Variants in GRM1 observed in about 807,000 individuals in gnomAD.
The protein encoded by GRM1 is glutamate metabotropic receptor 1.
Under a neutral mutation model 90.9 loss-of-function variants are expected in GRM1, and 33 were observed. The observed-to-expected ratio is 0.36, with a 90% confidence interval of 0.28 to 0.49. The LOEUF (loss-of-function observed/expected upper bound fraction) is 0.49, where lower values mean the gene tolerates loss of function less well. Ranked by LOEUF, GRM1 falls within the 20% of genes least tolerant of loss-of-function variation. GRM1 has a pLI of 0.99. For synonymous variants in GRM1, 700 were observed against 613.2 expected (o/e 1.14, Z -2.09); for missense variants, 1,190 against 1,534.3 (o/e 0.78, Z 3.75).
chr6:146,140,753 G>A (rs1776847059), intron 1 of GRM1, among the ~76,000 whole-genome samples: 1 of 151,958 alleles, frequency 6.6e-6, no homozygotes, highest in African/African-American at 2.4e-5. Context: ...TGTTGAAAAA[G>A]TTTTTAACTT....
Position 146,434,453 on chromosome 6 carries a change from A to C in GRM1, c.3242A>C (p.Gln1081Pro), listed in dbSNP as rs1198489131. ...CAGCACCTGCAGATGCTGCCGCTGC[A>C]GCTGAGCACCTTTGGGGAGGAGCTG... is the stretch of plus-strand genomic sequence containing the variant. Reference protein sequence around the residue: ...PPQHLQMLPLQLSTFGEELVS... With the variant: ...PPQHLQMLPLPLSTFGEELVS... The change falls in exon 8 of 8, where the codon CAG becomes CCG. Residue 1081 changes from glutamine (Q) to proline (P), a missense_variant. Gln to Pro is a moderately conservative substitution (Grantham distance 76). Transcript: ENST00000282753. 1.2e-6 allele frequency: 2 copies of C among 1,613,724 alleles called. No individual in the cohort carries two copies. Among genetic ancestry groups the C allele is most frequent in the Admixed American group, 3.3e-5 (2 of 60,012 alleles).
intron 2 of GRM1, among the ~76,000 whole-genome samples, chr6:146,175,888 G>A (rs1335946875): frequency 6.6e-6 from 1 of 152,028 alleles, no homozygotes; most frequent in Non-Finnish European, 1.5e-5. Context: ...AATAATACTC[G>A]GGTTGTCTAA....
intron 2 of GRM1, among the ~76,000 whole-genome samples, chr6:146,162,774 A>G (rs754139313): frequency 3.2e-4 from 49 of 152,108 alleles, no homozygotes; most frequent in Middle Eastern, 3.4e-3. Flanking sequence ...GTTCTCATAG[A>G]GAATAAAAAT....
chr6:146,080,485 A>G (rs1004546430), intron 1 of GRM1, among the ~76,000 whole-genome samples: 1 of 152,190 alleles, frequency 6.6e-6, no homozygotes, highest in African/African-American at 2.4e-5. Flanking sequence ...TTCATTCCTC[A>G]TACTAGAAAA....
chr6:146,414,935 TC>T (rs1777720318), intron 7 of GRM1, among the ~76,000 whole-genome samples: 1 of 152,352 alleles, frequency 6.6e-6, no homozygotes, highest in South Asian at 2.1e-4. Context: ...CTGTGTTTTT[TC>T]TAGGAGGTTT....
chr6:146,388,753 G>A (rs1043288254), intron 6 of GRM1, among the ~76,000 whole-genome samples: 1 of 152,092 alleles, frequency 6.6e-6, no homozygotes, highest in African/African-American at 2.4e-5. Flanking sequence ...AGATCCTGAT[G>A]CAATTACTCT....
intron 3 of GRM1, among the ~76,000 whole-genome samples, chr6:146,343,599 T>C (rs1785058599): frequency 6.6e-6 from 1 of 151,996 alleles, no homozygotes; most frequent in East Asian, 1.9e-4. Context: ...AGTCTTTCAG[T>C]TGGCTCTTGT....
intron 4 of GRM1, among the ~76,000 whole-genome samples, chr6:146,354,240 G>A (rs1387614886): frequency 1.3e-5 from 2 of 152,182 alleles, no homozygotes; most frequent in Non-Finnish European, 2.9e-5. Flanking sequence ...GAAAAGCTTC[G>A]AGGAAATGGT....
intron 1 of GRM1, among the ~76,000 whole-genome samples, chr6:146,043,796 T>TATATAGATATAG (rs577546115): frequency 3.6e-5 from 5 of 137,940 alleles, no homozygotes; most frequent in African/African-American, 1.3e-4. Flanking sequence ...TATATATATA[T>TATATAGATATAG]ATATATATAT....
intron 2 of GRM1, among the ~76,000 whole-genome samples, chr6:146,200,912 C>G (rs1245763906): frequency 1.3e-5 from 2 of 152,146 alleles, no homozygotes; most frequent in Non-Finnish European, 2.9e-5. Flanking sequence ...TTAGAAGCAT[C>G]CTGTGTCTTG....
chr6:146,397,484 G>GAAAAAAAAAAAAAAAAAA (rs577471775), intron 6 of GRM1, among the ~76,000 whole-genome samples: 1 of 45,028 alleles, frequency 2.2e-5, no homozygotes, highest in African/African-American at 7.2e-5. Context: ...AAAAAAAAAA[G>GAAAAAAAAAAAAAAAAAA]AAAAAAAAAA....
chr6:146,300,874 G>T (rs1783353765), intron 2 of GRM1, among the ~76,000 whole-genome samples: 1 of 152,184 alleles, frequency 6.6e-6, no homozygotes, highest in Non-Finnish European at 1.5e-5. Context: ...TTGCTGGTTT[G>T]CTCTTTTAAA....
intron 1 of GRM1, among the ~76,000 whole-genome samples, chr6:146,068,123 T>C (rs1197371445): frequency 6.6e-6 from 1 of 151,974 alleles, no homozygotes; most frequent in Non-Finnish European, 1.5e-5. Flanking sequence ...AATTTTTTTT[T>C]TTTTTTGAGA....
At chr6:146,299,705 C>G (rs1349320129) in intron 2 of GRM1, among the ~76,000 whole-genome samples, 1 of 152,138 alleles carries the variant, frequency 6.6e-6, no homozygotes, top group East Asian at 1.9e-4. Context: ...CATCTGAATA[C>G]TTGTGGGAGA....
chr6:146,088,960 G>T (rs1776631262), intron 1 of GRM1, among the ~76,000 whole-genome samples: 1 of 152,080 alleles, frequency 6.6e-6, no homozygotes, highest in Non-Finnish European at 1.5e-5. Flanking sequence ...CTTTAGTGGA[G>T]GTGCAGACCC....
At chr6:146,059,298 G>A (rs1010981165) in intron 1 of GRM1, among the ~76,000 whole-genome samples, 2 of 152,080 alleles carry the variant, frequency 1.3e-5, no homozygotes, top group South Asian at 2.1e-4. Context: ...CTTCCTGTAC[G>A]TCTCCCTCAG....
rs578130687 is a variant in GRM1, at chr6:146,393,193, C to T, written c.1730-5576C>T. 2.1e-3 allele frequency among the ~76,000 whole-genome samples: 327 copies of T among 152,258 alleles called. 3 individuals are homozygous for T. Among genetic ancestry groups the T allele is most frequent in the African/African-American group, 7.5e-3 (312 of 41,560 alleles). On this transcript the variant is annotated intron_variant, in intron 6 of 7. Coordinates refer to ENST00000282753, the MANE Select transcript of GRM1 (RefSeq NM_001278064.2). The stretch of plus-strand genomic sequence containing the variant: ...TATTTCTCCATATCCTCTCCAGCAT[C>T]TGTTGTTTCCTGACTTTTTAATGAT...
intron 1 of GRM1, among the ~76,000 whole-genome samples, chr6:146,047,479 C>T (rs191321563): frequency 2.6e-5 from 4 of 151,702 alleles, no homozygotes; most frequent in African/African-American, 9.7e-5. Flanking sequence ...GTTGCAGCCT[C>T]TGTGGACATG....
chr6:146,376,634 G>A (rs1776109713), intron 5 of GRM1, among the ~76,000 whole-genome samples: 1 of 152,136 alleles, frequency 6.6e-6, no homozygotes, highest in South Asian at 2.1e-4. Context: ...TTTCCACTGA[G>A]GAGTCTGCTG....
Sources: gnomAD v4.1 joint callset for allele counts (sites outside exome capture counted in the v4.1 genomes callset) on GRCh38, gnomAD v4.1.1 for gene constraint, MANE v1.5 for transcripts, NCBI Gene and HGNC (gene_info 2026-07-23, HGNC 2026-07-21) for gene names.